The following CYREN variants were observed in gnomAD, a reference collection of about 807,000 sequenced individuals.
CYREN encodes the protein cell cycle regulator of NHEJ.
Under a neutral mutation model 9.7 loss-of-function variants are expected in CYREN, and 7 were observed. The observed-to-expected ratio is 0.72, with a 90% CI of 0.41 to 1.36. The LOEUF is 1.36. CYREN is among the 40% of genes most tolerant of loss of function. The probability of loss-of-function intolerance (pLI) is 0.01; values close to 1 mark genes in which losing one functional copy is unlikely to be tolerated. For synonymous variants in CYREN, 76 were observed against 77.9 expected (o/e 0.98, Z 0.13); for missense variants, 215 against 198.1 (o/e 1.09, Z -0.51).
At chr7:135,098,572 G>T (rs558159318) in intron 2 of CYREN, among the ~76,000 whole-genome samples, 1 of 152,244 alleles carries the variant, frequency 6.6e-6, no homozygotes, top group Admixed American at 6.5e-5. Context: ...TTGTTGACAG[G>T]ATATCTAACT....
chr7:135,133,911 T>A (rs1162339625), intron 2 of CYREN, among the ~76,000 whole-genome samples: 3 of 151,844 alleles, frequency 2.0e-5, no homozygotes, highest in Non-Finnish European at 4.4e-5. Context: ...GAACTGCTGA[T>A]GCACAAAACA....
chr7:135,096,563 AGATAGATAGAT>A (rs1563259962), intron 2 of CYREN, among the ~76,000 whole-genome samples: 1 of 90,110 alleles, frequency 1.1e-5, no homozygotes, highest in Non-Finnish European at 2.3e-5. Context: ...AAAGAAAGAT[AGATAGATAGAT>A]AGATAGATAC....
intron 2 of CYREN, chr7:135,135,675 T>C (rs1829317403): frequency 6.5e-6 from 1 of 154,884 alleles, no homozygotes; most frequent in Non-Finnish European, 1.4e-5. Flanking sequence ...TTCCTGATTT[T>C]CTGTTATATC....
At chr7:135,118,459 G>T (rs968032341) in intron 2 of CYREN, among the ~76,000 whole-genome samples, 33 of 152,108 alleles carry the variant, frequency 2.2e-4, no homozygotes, top group Non-Finnish European at 8.8e-5. Context: ...TGTCAATGGG[G>T]TCCAGATGGG....
chr7:135,164,634 C>G (rs1307761369), downstream of CYREN: 1 of 1,613,498 alleles, frequency 6.2e-7, no homozygotes, highest in South Asian at 1.1e-5. Flanking sequence ...CCTACAGTGT[C>G]ACCAGTTCCC....
intron 2 of CYREN, among the ~76,000 whole-genome samples, chr7:135,108,320 G>A (rs1053441796): frequency 2.0e-5 from 3 of 151,408 alleles, no homozygotes; most frequent in African/African-American, 7.3e-5. Context: ...ACTGGTCTAC[G>A]TACTTAAGTG....
chr7:135,107,667 G>A (rs1379953908), intron 2 of CYREN, among the ~76,000 whole-genome samples: 1 of 152,130 alleles, frequency 6.6e-6, no homozygotes, highest in Non-Finnish European at 1.5e-5. Context: ...TGTACCATAT[G>A]GCAATGAGAA....
At chr7:135,132,673 C>G (rs1828942070) in intron 2 of CYREN, among the ~76,000 whole-genome samples, 1 of 152,088 alleles carries the variant, frequency 6.6e-6, no homozygotes, top group Admixed American at 6.6e-5. Flanking sequence ...TGGTACTGAA[C>G]AAGTCTCAGG....
At chr7:135,126,118 A>T (rs992337408) in intron 2 of CYREN, among the ~76,000 whole-genome samples, 1 of 152,226 alleles carries the variant, frequency 6.6e-6, no homozygotes, top group Non-Finnish European at 1.5e-5. Context: ...CTGTTTGCAG[A>T]TGACATGATT....
intron 2 of CYREN, among the ~76,000 whole-genome samples, chr7:135,096,332 A>C (rs12707212): frequency 0.43 from 63,592 of 148,706 alleles, 14,011 homozygotes; most frequent in East Asian, 0.76. Context: ...CCAAAAAAGA[A>C]AAAGAGGAAA....
At chr7:135,094,498 C>G (rs1436604876) in exon 3 of CYREN, 1 of 456,566 alleles carries the variant, frequency 2.2e-6, no homozygotes, top group Non-Finnish European at 4.4e-6. Context: ...TGGCCATAGT[C>G]TTGTCTGGAG....
chr7:135,132,598 C>T (rs914491699), intron 2 of CYREN, among the ~76,000 whole-genome samples: 6 of 152,160 alleles, frequency 3.9e-5, no homozygotes, highest in Admixed American at 2.0e-4. Context: ...ATAATCCCCA[C>T]GTGTCAAGGC....
Position 135,151,156 on chromosome 7 carries a change from A to C in CYREN, n.356+17593T>G, listed in dbSNP as rs148086299. Among the ~76,000 whole-genome samples, 1 of 152,214 alleles carries C rather than the reference A, an allele frequency of 6.6e-6. No individual in the cohort carries two copies. Among genetic ancestry groups the C allele is most frequent in the Non-Finnish European group, 1.5e-5 (1 of 68,030 alleles). On this transcript the variant is annotated intron_variant and non_coding_transcript_variant, in intron 2 of 2. Transcript: ENST00000459937. This position sits in a 1 kb window ranked among gnomAD's most constrained non-coding sequence, Gnocchi z 4.3. ...TTTATTTACATGGAATAATTAAGTA[A>C]ATCAAAACATCACAGCATTCATTAA... is the stretch of plus-strand genomic sequence containing the variant.
chr7:135,146,924 T>A (rs781022040), intron 2 of CYREN, among the ~76,000 whole-genome samples: 1 of 152,230 alleles, frequency 6.6e-6, no homozygotes, highest in Non-Finnish European at 1.5e-5. Context: ...AATATAAATA[T>A]GTTTCTATCT....
At position 135,166,558 on chromosome 7, in the gene CYREN, C is replaced by T; in HGVS notation, c.*53G>A. 6.6e-7 allele frequency: 1 copy of T among 1,524,092 alleles called. No individual in the cohort carries two copies. The highest frequency in any genetic ancestry group is 1.3e-5 in the South Asian group (1 of 78,662). The allele number at this position is 1,524,092 out of a possible 1,614,324, so 94.4% of individuals were successfully genotyped here. ...GGCGGCCCAGCAGCACCAGTGGAAG[C>T]TCAGCTGTCCTCCAGCTGCTCTCGG... On this transcript the variant is annotated 3_prime_UTR_variant, in exon 4 of 4. Transcript: ENST00000393114.
chr7:135,144,121 A>G (rs186276910), intron 2 of CYREN, among the ~76,000 whole-genome samples: 3 of 152,326 alleles, frequency 2.0e-5, no homozygotes, highest in African/African-American at 7.2e-5. Flanking sequence ...CCTCCACTCA[A>G]CCATAAGGCA....
At chr7:135,155,773 C>A (rs914445527) in intron 2 of CYREN, among the ~76,000 whole-genome samples, 1 of 152,204 alleles carries the variant, frequency 6.6e-6, no homozygotes, top group Middle Eastern at 3.2e-3. Context: ...ATTGCTTGAG[C>A]CCACGAGGTC....
chr7:135,164,548 C>G (rs1310943281), downstream of CYREN: 2 of 1,614,076 alleles, frequency 1.2e-6, no homozygotes, highest in African/African-American at 1.3e-5. Context: ...CTCTGGGAGG[C>G]TGGCAACCTC....
chr7:135,114,230 G>A (rs971211918), intron 2 of CYREN, among the ~76,000 whole-genome samples: 2 of 151,992 alleles, frequency 1.3e-5, no homozygotes, highest in East Asian at 1.9e-4. Flanking sequence ...GGAATTGCTG[G>A]GTCATATGGT....
Sources: allele counts gnomAD v4.1 joint callset (sites outside exome capture counted in the v4.1 genomes callset), GRCh38; gene constraint gnomAD v4.1.1; non-coding constraint Gnocchi (gnomAD v3.1); transcripts MANE v1.5; gene names NCBI Gene and HGNC (gene_info 2026-07-23, HGNC 2026-07-21).